The following SH3RF2 variants were observed in gnomAD, a reference collection of about 807,000 sequenced individuals.
SH3RF2 encodes the protein E3 ubiquitin-protein ligase SH3RF2.
In SH3RF2, 43 loss-of-function variants were observed where a neutral mutation model predicts 59.0. That is an observed-to-expected ratio of 0.73 (90% CI 0.57 to 0.94). The LOEUF (loss-of-function observed/expected upper bound fraction) is 0.94, where lower values mean the gene tolerates loss of function less well. Among genes scored for constraint, SH3RF2 ranks in the 40% least tolerant of loss-of-function variants. The probability of loss-of-function intolerance (pLI) is 0.00; values close to 1 mark genes in which losing one functional copy is unlikely to be tolerated. For missense variants in SH3RF2, 930 were observed against 940.1 expected, an observed-to-expected ratio of 0.99 and a Z score of 0.14; for synonymous variants, 391 against 391.5, an observed-to-expected ratio of 1.00 and a Z score of 0.01.
chr5:145,954,009 C>A (rs531076560), intron 2 of SH3RF2, among the ~76,000 whole-genome samples: 2 of 152,324 alleles, frequency 1.3e-5, no homozygotes, highest in South Asian at 4.1e-4. Context: ...AACAGTGCTG[C>A]AATGAACATT....
At position 145,937,821 on chromosome 5, in the gene SH3RF2, A is replaced by G; in HGVS notation, c.-106-2A>G. On this transcript the variant is annotated splice_acceptor_variant, in intron 1 of 9. Coordinates refer to ENST00000359120, the MANE Select transcript of SH3RF2 (RefSeq NM_152550.4). LOFTEE classifies it low-confidence loss of function (5UTR_SPLICE). Reference sequence around the variant, plus strand: ...TTTCTCTCCTCTCCCTCCTTCAAGCAGGCAAAAATTCTGACGTTCTCAAGA... The same window carrying G: ...TTTCTCTCCTCTCCCTCCTTCAAGCGGGCAAAAATTCTGACGTTCTCAAGA... 4 of 1,371,558 alleles carry G rather than the reference A, an allele frequency of 2.9e-6. No homozygotes were observed. In the South Asian group the frequency reaches 5.7e-5, roughly 19 times the overall value. The allele number at this position is 1,371,558 out of a possible 1,614,324, so 85.0% of individuals were successfully genotyped here. A position where few individuals can be genotyped will look rare whatever the true frequency, so the allele number is the denominator to read the frequency against.
intron 2 of SH3RF2, among the ~76,000 whole-genome samples, chr5:145,972,438 C>T (rs1460354954): frequency 1.3e-5 from 2 of 152,162 alleles, no homozygotes; most frequent in African/African-American, 2.4e-5. Flanking sequence ...CCGTCACCAC[C>T]AGAACTGCTA....
chr5:146,010,375 A>G (rs1320872982), intron 4 of SH3RF2, among the ~76,000 whole-genome samples: 1 of 152,164 alleles, frequency 6.6e-6, no homozygotes, highest in East Asian at 1.9e-4. Flanking sequence ...ATGATTTATA[A>G]TCCTTTGGTT....
At chr5:145,992,776 C>A (rs1418257943) in intron 2 of SH3RF2, among the ~76,000 whole-genome samples, 1 of 152,176 alleles carries the variant, frequency 6.6e-6, no homozygotes, top group African/African-American at 2.4e-5. Flanking sequence ...GTCCCTCCCA[C>A]AACATGTGGG....
chr5:146,056,322 G>T, intron 8 of SH3RF2, 109 bp downstream of exon 8: 2 of 1,514,484 alleles, frequency 1.3e-6, no homozygotes, highest in South Asian at 2.5e-5. Context: ...TTTAAACTAA[G>T]CCCCTGCAAA....
At chr5:146,079,266 T>C (rs944320814) in exon 10 of SH3RF2, 8 of 152,226 alleles carry the variant, frequency 5.3e-5, no homozygotes, top group Non-Finnish European at 5.9e-5. Context: ...AACAAGCCAT[T>C]AGAAGACATT....
At chr5:146,047,483 T>C (rs1055033584) in intron 5 of SH3RF2, among the ~76,000 whole-genome samples, 6 of 152,042 alleles carry the variant, frequency 3.9e-5, no homozygotes, top group African/African-American at 7.2e-5. Flanking sequence ...GAGGAGCCTG[T>C]GTAGTGCCCT....
chr5:146,044,192 C>T (rs551074355), intron 5 of SH3RF2, among the ~76,000 whole-genome samples: 12 of 151,682 alleles, frequency 7.9e-5, no homozygotes, highest in African/African-American at 2.9e-4. Context: ...GCTCTGTCAC[C>T]CAGGCTAGAG....
At chr5:145,974,743 C>T (rs1187988122) in intron 2 of SH3RF2, among the ~76,000 whole-genome samples, 1 of 152,064 alleles carries the variant, frequency 6.6e-6, no homozygotes, top group Non-Finnish European at 1.5e-5. Flanking sequence ...CACTCTATAG[C>T]CCAAGCTTTA....
At chr5:146,055,536 A>G (rs1364902709) in intron 7 of SH3RF2, among the ~76,000 whole-genome samples, 2 of 152,264 alleles carry the variant, frequency 1.3e-5, no homozygotes, top group African/African-American at 2.4e-5. Context: ...ACACAGATAT[A>G]TAAGTCATAT....
At chr5:145,970,368 C>A (rs1195936007) in intron 2 of SH3RF2, among the ~76,000 whole-genome samples, 1 of 152,078 alleles carries the variant, frequency 6.6e-6, no homozygotes, top group East Asian at 1.9e-4. Context: ...TGAGAACATA[C>A]AATATTTGGT....
At chr5:145,971,878 AT>A (rs1759096488) in intron 2 of SH3RF2, among the ~76,000 whole-genome samples, 1 of 122,064 alleles carries the variant, frequency 8.2e-6, no homozygotes. Flanking sequence ...GATAATGATG[AT>A]GATGATGATG....
intron 5 of SH3RF2, chr5:146,042,958 C>G (rs1762179024): frequency 6.6e-6 from 1 of 152,422 alleles, no homozygotes; most frequent in Non-Finnish European, 1.5e-5. Context: ...TCCAGCCTCA[C>G]AAACTCCTTG....
intron 5 of SH3RF2, among the ~76,000 whole-genome samples, chr5:146,024,880 G>A (rs1198380205): frequency 6.6e-6 from 1 of 152,164 alleles, no homozygotes; most frequent in Non-Finnish European, 1.5e-5. Flanking sequence ...ACATCAGGAA[G>A]CACATAATGC....
At chr5:145,981,481 T>C (rs550147323) in intron 2 of SH3RF2, among the ~76,000 whole-genome samples, 1 of 152,192 alleles carries the variant, frequency 6.6e-6, no homozygotes, top group African/African-American at 2.4e-5. Context: ...ACTTCCTAAA[T>C]CTCTTAAGCT....
Position 146,062,622 on chromosome 5 carries a change from G to A in SH3RF2, c.2111G>A (p.Arg704Gln), listed in dbSNP as rs369688301. 1.1e-5 allele frequency: 18 copies of A among 1,614,166 alleles called. No individual in the cohort carries two copies. The East Asian group carries it at 1.3e-4, about 12-fold the overall frequency. The change falls in exon 10 of 10, where the codon CGG becomes CAG. Residue 704 changes from arginine to glutamine, a missense_variant. Coordinates refer to ENST00000359120, the MANE Select transcript of SH3RF2 (RefSeq NM_152550.4). ...GCHSGQQTDL[R>Q]RKSALGKATT... ...CACTCCGGACAGCAGACAGACCTCC[G>A]GAGAAAGTCAGCTCTTGGCAAGGCC... is the stretch of plus-strand genomic sequence containing the variant.
chr5:146,080,790 A>G (rs890918417), exon 10 of SH3RF2: 3 of 152,176 alleles, frequency 2.0e-5, no homozygotes, highest in Admixed American at 6.5e-5. Context: ...TGTATCCTGG[A>G]AAACCAAAAG....
At chr5:146,036,915 C>T (rs1761955616) in intron 5 of SH3RF2, among the ~76,000 whole-genome samples, 2 of 152,306 alleles carry the variant, frequency 1.3e-5, no homozygotes, top group South Asian at 4.1e-4. Context: ...AAGAAAGACT[C>T]CTAAATACAT....
At chr5:146,053,028 G>A (rs1490710466) in intron 7 of SH3RF2, among the ~76,000 whole-genome samples, 1 of 152,132 alleles carries the variant, frequency 6.6e-6, no homozygotes, top group Non-Finnish European at 1.5e-5. Context: ...AGGGCCCAAA[G>A]GTGTGAGCAT....
Sources: allele counts gnomAD v4.1 joint callset (sites outside exome capture counted in the v4.1 genomes callset), GRCh38; gene constraint gnomAD v4.1.1; transcripts MANE v1.5; gene names NCBI Gene and HGNC (gene_info 2026-07-23, HGNC 2026-07-21).